Variants in USP24 observed in about 807,000 individuals in gnomAD.
USP24 encodes ubiquitin specific peptidase 24.
A neutral mutation model predicts 361.6 loss-of-function variants in USP24; 97 were observed. That is an observed-to-expected ratio of 0.27 (90% CI 0.23 to 0.32). USP24 has a LOEUF of 0.32. Ranked by LOEUF, USP24 falls within the 10% of genes least tolerant of loss-of-function variation. The pLI is 1.00. For synonymous variants in USP24, 1,098 were observed against 1,124.6 expected, an observed-to-expected ratio of 0.98 and a Z score of 0.47; for missense variants, 2,353 against 3,165.6, an observed-to-expected ratio of 0.74 and a Z score of 6.16.
chr1:55,079,166 C>G (rs1162112285), intron 60 of USP24, among the ~76,000 whole-genome samples: 1 of 152,090 alleles, frequency 6.6e-6, no homozygotes, highest in Non-Finnish European at 1.5e-5. Flanking sequence ...GAGCAGCCCA[C>G]CCACACTCCT....
In USP24 at chr1:55,214,858, C is replaced by T. The variant is rs1644946303; in HGVS notation, c.256G>A (p.Gly86Ser). 1.6e-6 allele frequency: 2 copies of T among 1,223,002 alleles called. No homozygotes were observed. Among genetic ancestry groups the T allele is most frequent in the South Asian group, 8.2e-5 (2 of 24,270 alleles). The allele number at this position is 1,223,002 out of a possible 1,614,324, so 75.8% of individuals were successfully genotyped here. ...CCGCCCCCGCCTCCGGTGCTCCCGCCGCGGGAGGGGCCGCCGCCGCCGCCG... is the reference window on the plus strand; with the variant it reads ...CCGCCCCCGCCTCCGGTGCTCCCGCTGCGGGAGGGGCCGCCGCCGCCGCCG... ...GDGGGGGPSRGGSTGGGGGFD... is the reference protein window; with the variant it reads ...GDGGGGGPSRSGSTGGGGGFD... The change falls in exon 1 of 68, where the codon GGC becomes AGC. Residue 86 changes from glycine (G) to serine (S), a missense_variant. By Grantham distance (56) the Gly-to-Ser change is moderately conservative. Coordinates refer to ENST00000294383, the MANE Select transcript of USP24 (RefSeq NM_015306.3).
At chr1:55,186,534 A>C (rs1326365034) in intron 1 of USP24, among the ~76,000 whole-genome samples, 1 of 152,258 alleles carries the variant, frequency 6.6e-6, no homozygotes, top group Non-Finnish European at 1.5e-5. Flanking sequence ...GTGTCCATCA[A>C]CAAATGAATA....
chr1:55,157,315 T>C lies in USP24; in HGVS notation c.1283A>G (p.Asp428Gly). 6.2e-7 allele frequency: 1 copy of C among 1,602,676 alleles called. No individual in the cohort carries two copies. The highest frequency in any genetic ancestry group is 8.5e-7 in the Non-Finnish European group (1 of 1,176,860). ...TAGCCAATCTAATAATCTGTCTGTA[T>C]CTATAGCATTCTTCACAGATTTGGA... is the stretch of plus-strand genomic sequence containing the variant. ...TLSKSVKNAIDTDRLLDWLVE... is the reference protein window; with the variant it reads ...TLSKSVKNAIGTDRLLDWLVE... Residue 428 changes from aspartate (D) to glycine (G), a missense_variant, in exon 11 of 68, where the codon GAT becomes GGT. Transcript: ENST00000294383.
At chr1:55,141,856 G>T in intron 23 of USP24, 125 bp from the exon 24 acceptor site, 1 of 836,924 alleles carries the variant, frequency 1.2e-6, no homozygotes, top group Non-Finnish European at 1.9e-6. Flanking sequence ...ATGTTTAACA[G>T]GATCCCTGGC....
Position 55,077,304 on chromosome 1 carries a change from A to C in USP24, c.7315-4T>G, listed in dbSNP as rs1228988968. On this transcript the variant is annotated splice_region_variant and splice_polypyrimidine_tract_variant and intron_variant, in intron 61 of 67. Transcript: ENST00000294383. ...GTGGAGCCGTTTCTAGTTGGTTCTG[A>C]AATATTTTTTAAAAGCATAAAAACT... 6.5e-7 allele frequency: 1 copy of C among 1,540,430 alleles called. No homozygotes were observed. The highest frequency in any genetic ancestry group is 2.4e-5 in the East Asian group (1 of 41,452).
In USP24 at chr1:55,120,709, G is replaced by T; in HGVS notation, c.4395C>A (p.Asp1465Glu). 1 of 1,575,934 alleles carries T rather than the reference G, an allele frequency of 6.3e-7. No homozygotes were observed. Among genetic ancestry groups the T allele is most frequent in the Non-Finnish European group, 8.6e-7 (1 of 1,159,602 alleles). ...CDQLYTLSQT[D>E]TSAHPDVQKP... ...TCTGCACATCTGGATGCGCTGATGTGTCTGTCTGACTAAGAGTGTACAGCT... is the reference window on the plus strand; with the variant it reads ...TCTGCACATCTGGATGCGCTGATGTTTCTGTCTGACTAAGAGTGTACAGCT... The change falls in exon 38 of 68, where the codon GAC (aspartate) becomes GAA (glutamate). Residue 1465 changes from aspartate to glutamate, a missense_variant. By Grantham distance (45) the Asp-to-Glu change is conservative. This residue lies in a region of USP24 where 949 missense variants were observed against 1,280.5 expected (regional missense o/e 0.74). Coordinates refer to ENST00000294383, the MANE Select transcript of USP24 (RefSeq NM_015306.3).
chr1:55,208,986 T>C (rs1057287639), intron 1 of USP24, among the ~76,000 whole-genome samples: 2 of 151,958 alleles, frequency 1.3e-5, no homozygotes, highest in African/African-American at 4.8e-5. Flanking sequence ...CTACTATCAA[T>C]ATGAGCTTAA....
chr1:55,068,914 A>G lies in USP24; in HGVS notation c.*131T>C. The G allele has an allele frequency of 1.0e-6, 1 of 958,726 alleles. No individual in the cohort carries two copies. The highest frequency in any genetic ancestry group is 1.6e-6 in the Non-Finnish European group (1 of 629,660). 59.4% of individuals were successfully genotyped at this position (958,726 alleles called of 1,614,324 possible). A position where few individuals can be genotyped will look rare whatever the true frequency, so the allele number is the denominator to read the frequency against. On this transcript the variant is annotated 3_prime_UTR_variant, in exon 68 of 68. Transcript: ENST00000294383. ...AAATGCTTTCCTTGAGAAATACACG[A>G]TCCGCCCAAGTCACAGCAGCTTTCC...
chr1:55,157,933 A>G (rs1647856400), intron 10 of USP24, among the ~76,000 whole-genome samples: 1 of 152,184 alleles, frequency 6.6e-6, no homozygotes, highest in Non-Finnish European at 1.5e-5. Context: ...CCAAACCTCA[A>G]TCAGGCACTC....
rs1645575263 is a variant in USP24 at position 55,099,427 on chromosome 1, G to A, written c.5370+344C>T. Among the ~76,000 whole-genome samples the A allele has an allele frequency of 3.3e-5, 5 of 152,068 alleles. No individual in the cohort carries two copies. The South Asian group carries it at 1.0e-3, about 32-fold the overall frequency. On this transcript the variant is annotated intron_variant, in intron 45 of 67. Coordinates refer to ENST00000294383, the MANE Select transcript of USP24 (RefSeq NM_015306.3). ...ACAAAAATTAGCCGGGCGTGGTGGT[G>A]CACACCTGTGATCCCAGCTACTCGG...
chr1:55,185,001 A>G (rs1052944811), intron 1 of USP24, among the ~76,000 whole-genome samples: 1 of 151,804 alleles, frequency 6.6e-6, no homozygotes, highest in Non-Finnish European at 1.5e-5. Context: ...TCTGCTGCCT[A>G]GGCTTGAATG....
intron 41 of USP24, 75 bp from the exon 42 acceptor site, chr1:55,104,095 TTGAAA>T (rs1191977355): frequency 2.0e-5 from 29 of 1,485,428 alleles, no homozygotes; most frequent in Non-Finnish European, 2.2e-5. Context: ...AAATCAACAG[TTGAAA>T]TGAAAGTAGA....
At position 55,124,550 on chromosome 1, in the gene USP24, C is replaced by T; in HGVS notation, c.4039G>A (p.Asp1347Asn). The T allele has an allele frequency of 6.2e-7, 1 of 1,613,908 alleles. No individual in the cohort carries two copies. Among genetic ancestry groups the T allele is most frequent in the Non-Finnish European group, 8.5e-7 (1 of 1,179,864 alleles). ...ATTGGCTGGCTACTCCCAACAAGAT[C>T]AAGCCGTCCTGCAGCCGCAGCCCAT... ...LSWAAAAGRL[D>N]LVGSSQPIKE... is the part of the protein sequence containing the mutation. The change falls in exon 35 of 68, where the codon GAT becomes AAT. Residue 1347 changes from aspartate to asparagine, a missense_variant. Coordinates refer to ENST00000294383, the MANE Select transcript of USP24 (RefSeq NM_015306.3).
intron 1 of USP24, among the ~76,000 whole-genome samples, chr1:55,180,934 C>T (rs1183605761): frequency 1.3e-5 from 2 of 152,038 alleles, no homozygotes; most frequent in African/African-American, 4.8e-5. Context: ...AAAAATAATC[C>T]ATATAAAGCT....
intron 8 of USP24, among the ~76,000 whole-genome samples, chr1:55,161,639 C>T (rs373684767): frequency 1.2e-4 from 19 of 152,048 alleles, no homozygotes; most frequent in African/African-American, 4.3e-4. Context: ...ACATTTTGTT[C>T]GGTAAAACTT....
Position 55,215,235 on chromosome 1 carries a change from C to G in USP24, c.-122G>C, listed in dbSNP as rs972754765. 2.4e-5 allele frequency: 19 copies of G among 788,614 alleles called. No individual in the cohort carries two copies. Among genetic ancestry groups the G allele is most frequent in the African/African-American group, 3.7e-5 (2 of 54,540 alleles). 48.9% of individuals were successfully genotyped at this position (788,614 alleles called of 1,614,324 possible). A position where few individuals can be genotyped will look rare whatever the true frequency, so the allele number is the denominator to read the frequency against. On this transcript the variant is annotated 5_prime_UTR_variant, in exon 1 of 68. Transcript: ENST00000294383. ...CCCAGGTTGGCCCCTGCGTTCCTGCCCCGGGTGCTCCGCAGCAGCCGGGCC... is the reference window on the plus strand; with the variant it reads ...CCCAGGTTGGCCCCTGCGTTCCTGCGCCGGGTGCTCCGCAGCAGCCGGGCC...
chr1:55,079,600 G>A lies in USP24; in HGVS notation c.7138C>T (p.Pro2380Ser). Reference protein sequence around the residue: ...ISIAPSSPLLPLHEEVEALLF... With the variant: ...ISIAPSSPLLSLHEEVEALLF... Reference sequence around the variant, plus strand: ...AAGGCTTCTACCTCCTCATGGAGGGGCAACAGAGGGCTTGAGGGAGCAATG... The same window carrying A: ...AAGGCTTCTACCTCCTCATGGAGGGACAACAGAGGGCTTGAGGGAGCAATG... Residue 2380 changes from proline (P) to serine (S), a missense_variant, in exon 60 of 68, where the codon CCC becomes TCC. Physicochemically the swap from Pro to Ser is moderately conservative, Grantham distance 74. Around this residue, in one of 8 missense-constraint regions of USP24, gnomAD observed 598 missense variants for 761.9 expected, o/e 0.78. Coordinates refer to ENST00000294383, the MANE Select transcript of USP24 (RefSeq NM_015306.3). 6.4e-7 allele frequency: 1 copy of A among 1,558,622 alleles called. No individual in the cohort carries two copies. The highest frequency in any genetic ancestry group is 1.3e-5 in the South Asian group (1 of 79,580).
At chr1:55,097,380 T>G (rs1248970750) in intron 48 of USP24, among the ~76,000 whole-genome samples, 1 of 152,154 alleles carries the variant, frequency 6.6e-6, no homozygotes, top group African/African-American at 2.4e-5. Context: ...GGCATTTTCC[T>G]TCATAGTAAT....
At chr1:55,108,787 G>A (rs1645864403) in intron 39 of USP24, among the ~76,000 whole-genome samples, 1 of 152,192 alleles carries the variant, frequency 6.6e-6, no homozygotes, top group Non-Finnish European at 1.5e-5. Context: ...AGAAAGCAAA[G>A]CCTGTATGGC....
Sources: gnomAD v4.1 joint callset for allele counts (sites outside exome capture counted in the v4.1 genomes callset) on GRCh38, gnomAD v4.1.1 for gene constraint, gnomAD v4.1.1 regional missense constraint, MANE v1.5 for transcripts, NCBI Gene and HGNC (gene_info 2026-07-23, HGNC 2026-07-21) for gene names.